The following DPP4 variants were observed in gnomAD, a reference collection of about 807,000 sequenced individuals.
The protein encoded by DPP4 is dipeptidyl peptidase 4.
DPP4 carries 93 observed loss-of-function variants against 122.4 expected under a neutral mutation model. That is an observed-to-expected ratio of 0.76 (90% CI 0.64 to 0.90). DPP4 has a LOEUF of 0.90. DPP4 is among the 40% of genes least tolerant of loss of function. The pLI, the probability that DPP4 is intolerant of heterozygous loss-of-function variation, is 0.00. For synonymous variants in DPP4, 321 were observed against 302.9 expected (o/e 1.06, Z -0.62); for missense variants, 914 against 907.3 (o/e 1.01, Z -0.09).
intron 2 of DPP4, among the ~76,000 whole-genome samples, chr2:162,063,202 T>C (rs189976286): frequency 7.9e-5 from 12 of 152,168 alleles, no homozygotes; most frequent in Admixed American, 7.9e-4. Flanking sequence ...ACTACAAAAA[T>C]AGAATTGCCA....
chr2:162,017,316 C>T (rs1443219343), intron 16 of DPP4, 161 bp from the exon 17 acceptor site: 2 of 616,374 alleles, frequency 3.2e-6, no homozygotes, highest in South Asian at 4.9e-5. Context: ...TGTTTCTCCT[C>T]CCCCTCTCTT....
intron 10 of DPP4, chr2:162,032,132 G>A (rs184378291): frequency 6.6e-6 from 1 of 152,294 alleles, no homozygotes; most frequent in African/African-American, 2.4e-5. Flanking sequence ...AGGAATCTGA[G>A]GGCACCAGCT....
intron 16 of DPP4, 22 bp downstream of exon 16, chr2:162,018,707 C>G: frequency 1.2e-6 from 2 of 1,611,228 alleles, no homozygotes; most frequent in African/African-American, 2.7e-5. Flanking sequence ...ACTGCCCTCC[C>G]TCCCAGGGAG....
chr2:161,995,518 T>A, intron 23 of DPP4, 146 bp from the exon 24 acceptor site: 1 of 683,910 alleles, frequency 1.5e-6, no homozygotes, highest in Non-Finnish European at 2.6e-6. Context: ...AAATGCTGTC[T>A]CCATGCATGG....
chr2:162,056,213 A>G (rs188613666), intron 2 of DPP4, among the ~76,000 whole-genome samples: 178 of 152,240 alleles, frequency 1.2e-3, no homozygotes, highest in African/African-American at 4.0e-3. Context: ...ACTTTTTTAT[A>G]TTGTTCACTG....
At chr2:162,050,592 A>T (rs1402066116) in intron 2 of DPP4, among the ~76,000 whole-genome samples, 1 of 152,164 alleles carries the variant, frequency 6.6e-6, no homozygotes, top group Non-Finnish European at 1.5e-5. Flanking sequence ...CGTTAGAATA[A>T]CCCTGCAACC....
At chr2:162,046,007 G>T (rs1468074121) in intron 4 of DPP4, among the ~76,000 whole-genome samples, 1 of 152,174 alleles carries the variant, frequency 6.6e-6, no homozygotes, top group Non-Finnish European at 1.5e-5. Flanking sequence ...TGGAAGGTGA[G>T]AGGACAACAA....
At chr2:162,010,834 T>C (rs1682676725) in intron 20 of DPP4, among the ~76,000 whole-genome samples, 1 of 152,180 alleles carries the variant, frequency 6.6e-6, no homozygotes, top group African/African-American at 2.4e-5. Context: ...TCTCTCCATC[T>C]ATTTCATCAT....
At chr2:162,024,227 C>G (rs1683236674) in intron 11 of DPP4, among the ~76,000 whole-genome samples, 1 of 152,244 alleles carries the variant, frequency 6.6e-6, no homozygotes, top group Admixed American at 6.5e-5. Context: ...TGACCGTCAT[C>G]CTAGTTGGAC....
At chr2:162,047,655 C>G (rs1043614866) in intron 2 of DPP4, among the ~76,000 whole-genome samples, 154 bp from the exon 3 acceptor site, 5 of 152,092 alleles carry the variant, frequency 3.3e-5, no homozygotes, top group African/African-American at 1.2e-4. Flanking sequence ...AGACTTCAGA[C>G]TGAATGGATG....
intron 2 of DPP4, among the ~76,000 whole-genome samples, chr2:162,059,185 C>T (rs1284978940): frequency 6.6e-6 from 1 of 152,210 alleles, no homozygotes; most frequent in African/African-American, 2.4e-5. Context: ...GGAAGCTCTA[C>T]ACACACAGGG....
In DPP4 at chr2:162,052,985, C is replaced by G. The variant is rs543602768; in HGVS notation, c.95-5484G>C. Among the ~76,000 whole-genome samples, 44 of 152,170 alleles carry G rather than the reference C, an allele frequency of 2.9e-4. No homozygotes were observed. The South Asian group carries it at 5.8e-3, about 20-fold the overall frequency. ...GAATTAGAGGATAAACAAGGATATCCGGCAGAAGAAAAAAATGTATTCAGG... is the reference window on the plus strand; with the variant it reads ...GAATTAGAGGATAAACAAGGATATCGGGCAGAAGAAAAAAATGTATTCAGG... On this transcript the variant is annotated intron_variant, in intron 2 of 25. Transcript: ENST00000360534.
At chr2:162,001,225 C>A (rs1051842793) in intron 23 of DPP4, among the ~76,000 whole-genome samples, 2 of 152,148 alleles carry the variant, frequency 1.3e-5, no homozygotes, top group Non-Finnish European at 2.9e-5. Flanking sequence ...GAGAATTAAA[C>A]CTGATAACCC....
chr2:162,041,677 TA>T (rs1234934957), intron 5 of DPP4, among the ~76,000 whole-genome samples: 7 of 152,176 alleles, frequency 4.6e-5, no homozygotes, highest in Non-Finnish European at 1.0e-4. Flanking sequence ...TGGTACCAGC[TA>T]AAACTATTAA....
intron 10 of DPP4, among the ~76,000 whole-genome samples, chr2:162,031,452 C>A (rs959465667): frequency 2.0e-5 from 3 of 152,212 alleles, no homozygotes; most frequent in Admixed American, 2.0e-4. Context: ...TTCTAAAGCC[C>A]CTTTCCGATG....
intron 2 of DPP4, among the ~76,000 whole-genome samples, chr2:162,051,961 T>A (rs571931822): frequency 7.2e-5 from 11 of 152,308 alleles, no homozygotes; most frequent in African/African-American, 2.4e-4. Flanking sequence ...TGTTGAACCT[T>A]AATATACATT....
intron 2 of DPP4, among the ~76,000 whole-genome samples, chr2:162,065,770 G>C (rs1201116203): frequency 6.6e-6 from 1 of 152,130 alleles, no homozygotes; most frequent in Non-Finnish European, 1.5e-5. Flanking sequence ...TTTATCATTT[G>C]GTCACTAGTG....
At chr2:162,070,194 T>C (rs1346372112) in intron 2 of DPP4, among the ~76,000 whole-genome samples, 1 of 152,188 alleles carries the variant, frequency 6.6e-6, no homozygotes, top group African/African-American at 2.4e-5. Flanking sequence ...ATTTAAAACA[T>C]ACAATCATTT....
intron 9 of DPP4, among the ~76,000 whole-genome samples, chr2:162,034,733 A>C (rs1683704861): frequency 2.0e-5 from 3 of 152,212 alleles, no homozygotes; most frequent in Admixed American, 2.0e-4. Context: ...CAAATCTATA[A>C]TAGAACCACT....
Sources: gnomAD v4.1 joint callset for allele counts (sites outside exome capture counted in the v4.1 genomes callset) on GRCh38, gnomAD v4.1.1 for gene constraint, MANE v1.5 for transcripts, NCBI Gene and HGNC (gene_info 2026-07-23, HGNC 2026-07-21) for gene names.